The following ITGAE variants were observed in gnomAD, a reference collection of about 807,000 sequenced individuals.
ITGAE encodes the protein integrin subunit alpha E.
ITGAE carries 99 observed loss-of-function variants against 136.5 expected under a neutral mutation model. The ratio of observed to expected loss-of-function variants is 0.73; its 90% CI spans 0.62 to 0.86. The LOEUF (loss-of-function observed/expected upper bound fraction) is 0.86. Among genes scored for constraint, ITGAE ranks in the 40% least tolerant of loss-of-function variants. ITGAE has a pLI of 0.00. For missense variants in ITGAE, 1,447 were observed against 1,515.3 expected, an observed-to-expected ratio of 0.95 and a Z score of 0.75; for synonymous variants, 613 against 591.8, an observed-to-expected ratio of 1.04 and a Z score of -0.52.
chr17:3,775,681 C>G (rs939654859), intron 2 of ITGAE, among the ~76,000 whole-genome samples: 1 of 151,896 alleles, frequency 6.6e-6, no homozygotes, highest in African/African-American at 2.4e-5. Context: ...GTTGGCCAGC[C>G]TAGGTCTCGA....
At chr17:3,755,593 C>A (rs1408367718) in intron 11 of ITGAE, among the ~76,000 whole-genome samples, 2 of 152,226 alleles carry the variant, frequency 1.3e-5, no homozygotes, top group Admixed American at 6.5e-5. Context: ...ATCAATATGG[C>A]CACCCTTTTG....
chr17:3,796,161 G>GTGCGCATCCGTGTGTGTGTGTT (rs1567565813), intron 1 of ITGAE, among the ~76,000 whole-genome samples: 1,592 of 77,930 alleles, frequency 0.02, 73 homozygotes, highest in African/African-American at 0.1. Flanking sequence ...GTGTGTGTGT[G>GTGCGCATCCGTGTGTGTGTGTT]TGTGCATCCG....
rs1249368695 is a variant in ITGAE, at chr17:3,714,910, C to T, written c.3477G>A (p.Leu1159=). 6.2e-7 allele frequency: 1 copy of T among 1,609,802 alleles called. No individual in the cohort carries two copies. Among genetic ancestry groups the T allele is most frequent in the Non-Finnish European group, 8.5e-7 (1 of 1,178,372 alleles). Residue 1159 remains leucine, a synonymous_variant, in exon 31 of 31, where the codon CTG becomes CTA. Coordinates refer to ENST00000263087, the MANE Select transcript of ITGAE (RefSeq NM_002208.5). ...GGGCCTTCCTGATGCTCTCCAAGTT[C>T]AGTTGTTGATATTTTCTTTTAAAAA... is the stretch of plus-strand genomic sequence containing the variant. ...CGFFKRKYQQ[L]NLESIRKAQL...
intron 19 of ITGAE, among the ~76,000 whole-genome samples, chr17:3,740,743 C>T (rs556218768): frequency 2.0e-5 from 3 of 152,352 alleles, no homozygotes; most frequent in East Asian, 3.9e-4. Flanking sequence ...CTGAAAGCCA[C>T]ATTTCAAAAG....
At chr17:3,729,855 A>G (rs1299729326) in intron 23 of ITGAE, among the ~76,000 whole-genome samples, 1 of 152,012 alleles carries the variant, frequency 6.6e-6, no homozygotes, top group East Asian at 1.9e-4. Context: ...TTGGCCTCCC[A>G]AAGTGCTGGG....
chr17:3,750,053 G>A (rs982895579), intron 16 of ITGAE, among the ~76,000 whole-genome samples: 1 of 152,150 alleles, frequency 6.6e-6, no homozygotes, highest in African/African-American at 2.4e-5. Flanking sequence ...TGCAATCACA[G>A]CCATCGCTGA....
At chr17:3,800,475 G>A (rs930033766) in intron 1 of ITGAE, among the ~76,000 whole-genome samples, 1 of 152,172 alleles carries the variant, frequency 6.6e-6, no homozygotes, top group African/African-American at 2.4e-5. Flanking sequence ...ATCACAGGGG[G>A]CCCCCGAAAG....
chr17:3,765,241 C>T (rs879689901), intron 2 of ITGAE, among the ~76,000 whole-genome samples: 22 of 143,452 alleles, frequency 1.5e-4, no homozygotes, highest in South Asian at 2.3e-4. Context: ...CCCAGCTACT[C>T]GGGAGCCTGA....
intron 9 of ITGAE, 91 bp from the exon 10 acceptor site, chr17:3,757,225 C>T: frequency 7.1e-7 from 1 of 1,403,416 alleles, no homozygotes; most frequent in Non-Finnish European, 9.8e-7. Flanking sequence ...GCCTCTGGGG[C>T]CCTCCATTAC....
rs55649477 is a variant in ITGAE at position 3,724,837 on chromosome 17, A to T, written c.3085-1093T>A. On this transcript the variant is annotated intron_variant, in intron 26 of 30. Transcript: ENST00000263087. Reference sequence around the variant, plus strand: ...AGGGCCACAGGCCAGGACTCTTGTCAAGAGAGAGGGCTTCAAGAGGCCGTC... The same window carrying T: ...AGGGCCACAGGCCAGGACTCTTGTCTAGAGAGAGGGCTTCAAGAGGCCGTC... 120 of 1,614,128 alleles carry T rather than the reference A, an allele frequency of 7.4e-5. 1 individual carries two copies. The East Asian group carries it at 2.4e-3, about 32-fold the overall frequency.
chr17:3,793,313 A>G (rs745968679), intron 1 of ITGAE, among the ~76,000 whole-genome samples: 1 of 151,294 alleles, frequency 6.6e-6, no homozygotes, highest in Non-Finnish European at 1.5e-5. Context: ...CAGCCTCCAA[A>G]GTGCTGGGAT....
chr17:3,759,344 G>A (rs953694638), intron 8 of ITGAE, 58 bp downstream of exon 8: 18 of 1,582,766 alleles, frequency 1.1e-5, no homozygotes, highest in Non-Finnish European at 1.5e-5. Context: ...TCCTCCATGA[G>A]TGATGCCACA....
In ITGAE at chr17:3,751,832, C is replaced by T. The variant is rs149540181; in HGVS notation, c.1711G>A (p.Gly571Arg). 4,046 of 1,614,086 alleles carry T rather than the reference C, an allele frequency of 2.5e-3. 9 individuals carry two copies. Among genetic ancestry groups the T allele is most frequent in the Middle Eastern group, 0.018 (111 of 6,060 alleles). The stretch of plus-strand genomic sequence containing the variant: ...AAGCCAAAGCGGGCATTGGTGAACC[C>T]GGGGTGCCCACTCAGTATGCGTGCC... ...SLARILSGHPGFTNARFGFAM... is the reference protein window; with the variant it reads ...SLARILSGHPRFTNARFGFAM... The change falls in exon 15 of 31, where the codon GGG becomes AGG. Residue 571 changes from glycine (G) to arginine (R), a missense_variant. Physicochemically the swap from Gly to Arg is moderately radical, Grantham distance 125. Coordinates refer to ENST00000263087, the MANE Select transcript of ITGAE (RefSeq NM_002208.5).
rs111682570 is a variant in ITGAE, at chr17:3,745,769, C to A, written c.2314G>T (p.Gly772Ter). 6.2e-7 allele frequency: 1 copy of A among 1,613,940 alleles called. No homozygotes were observed. Among genetic ancestry groups the A allele is most frequent in the Non-Finnish European group, 8.5e-7 (1 of 1,179,930 alleles). Residue 772 changes from glycine (G) to a stop codon, truncating the protein, a stop_gained, in exon 18 of 31, where the codon GGA (glycine) becomes TGA (stop). Transcript: ENST00000263087. LOFTEE classifies it high-confidence loss of function. ...ATCCAAACTCCGTCACTTACCTCTC[C>A]CTCTGTGGGCATGAGCAGGAGGTCC... ...CEDLLLMPTEGELCEEDCFSN... is the reference protein window; with the variant it reads ...CEDLLLMPTE
At chr17:3,780,232 G>A (rs1190142250) in intron 1 of ITGAE, among the ~76,000 whole-genome samples, 7 of 150,118 alleles carry the variant, frequency 4.7e-5, no homozygotes, top group Admixed American at 2.7e-4. Flanking sequence ...GCGCAGAGGC[G>A]AGATCTCAGC....
At position 3,752,961 on chromosome 17, in the gene ITGAE, T is replaced by C. The variant is rs536338686; in HGVS notation, c.1668+329A>G. 2.2e-4 allele frequency among the ~76,000 whole-genome samples: 33 copies of C among 152,248 alleles called. No individual in the cohort carries two copies. In the South Asian group the frequency reaches 2.9e-3, roughly 13 times the overall value. ...TACTTGGTAGGCTGAGGCAGGAGAA[T>C]TGCTTGAACCCCGGAGGCAGAGGTT... On this transcript the variant is annotated intron_variant, in intron 14 of 30. Transcript: ENST00000263087.
chr17:3,745,145 G>A (rs560191987), intron 18 of ITGAE, among the ~76,000 whole-genome samples: 11 of 152,038 alleles, frequency 7.2e-5, no homozygotes, highest in Non-Finnish European at 1.2e-4. Flanking sequence ...CTAGATGGTC[G>A]TTTCTATCTT....
intron 20 of ITGAE, 140 bp from the exon 21 acceptor site, chr17:3,735,089 G>A (rs533700939): frequency 1.5e-4 from 134 of 899,112 alleles, no homozygotes; most frequent in Middle Eastern, 6.7e-4. Flanking sequence ...CACTTCCTGG[G>A]TTCAAGTGAT....
At chr17:3,728,875 ATT>A (rs2051277747) in intron 24 of ITGAE, among the ~76,000 whole-genome samples, 2 of 151,548 alleles carry the variant, frequency 1.3e-5, no homozygotes, top group Non-Finnish European at 2.9e-5. Context: ...TCTATTAAAA[ATT>A]TTTTAAAAAT....
Sources: gnomAD v4.1 joint callset for allele counts (sites outside exome capture counted in the v4.1 genomes callset) on GRCh38, gnomAD v4.1.1 for gene constraint, MANE v1.5 for transcripts, NCBI Gene and HGNC (gene_info 2026-07-23, HGNC 2026-07-21) for gene names.